KANSL1: variants seen among roughly 807,000 people sequenced by gnomAD.
The protein encoded by KANSL1 is KAT8 regulatory NSL complex subunit 1.
In KANSL1, 22 loss-of-function variants were observed where a neutral mutation model predicts 103.6. The ratio of observed to expected loss-of-function variants is 0.21; its 90% confidence interval spans 0.15 to 0.30. The LOEUF is 0.30. Among genes scored for constraint, KANSL1 ranks in the 10% least tolerant of loss-of-function variants. KANSL1 has a pLI of 1.00. For missense variants in KANSL1, 1,337 were observed against 1,399.8 expected, an observed-to-expected ratio of 0.96 and a Z score of 0.72; for synonymous variants, 600 against 527.6, an observed-to-expected ratio of 1.14 and a Z score of -1.88.
At chr17:46,089,565 CAAAAAAA>C in intron 3 of KANSL1, among the ~76,000 whole-genome samples, 1 of 126,738 alleles carries the variant, frequency 7.9e-6, no homozygotes, top group African/African-American at 3.1e-5. Context: ...AGGTTCATCT[CAAAAAAA>C]AAAAAAAGAC....
intron 2 of KANSL1, 103 bp downstream of exon 2, chr17:46,170,752 C>A: frequency 3.9e-6 from 5 of 1,275,616 alleles, no homozygotes; most frequent in Non-Finnish European, 5.4e-6. Flanking sequence ...AGAACCTAGA[C>A]ACCTATGTAC....
chr17:46,127,769 C>T (rs995836069), intron 2 of KANSL1, among the ~76,000 whole-genome samples: 1 of 144,634 alleles, frequency 6.9e-6, no homozygotes, highest in Non-Finnish European at 1.6e-5. Context: ...CAGAGCCAGA[C>T]CCTGTCTCAA....
chr17:46,092,469 C>T (rs2079434499), intron 3 of KANSL1, among the ~76,000 whole-genome samples: 1 of 152,050 alleles, frequency 6.6e-6, no homozygotes, highest in African/African-American at 2.4e-5. Flanking sequence ...AGCATTCATA[C>T]CTTTGACTGA....
intron 4 of KANSL1, among the ~76,000 whole-genome samples, chr17:46,075,869 C>T (rs2078747426): frequency 6.6e-6 from 1 of 152,086 alleles, no homozygotes; most frequent in South Asian, 2.1e-4. Context: ...ACATTACTCC[C>T]TACACCATGC....
intron 2 of KANSL1, among the ~76,000 whole-genome samples, chr17:46,119,456 G>A (rs113909426): frequency 0.14 from 21,656 of 151,562 alleles, 2,108 homozygotes; most frequent in Non-Finnish European, 0.22. Flanking sequence ...ACAGGTGCAC[G>A]CCACCACGTC....
intron 2 of KANSL1, among the ~76,000 whole-genome samples, chr17:46,143,174 G>C (rs1191364308): frequency 6.6e-6 from 1 of 152,218 alleles, no homozygotes; most frequent in East Asian, 1.9e-4. Flanking sequence ...GTGAAATAAA[G>C]GGAAAAGCAG....
intron 13 of KANSL1, 122 bp from the exon 14 acceptor site, chr17:46,032,421 A>T: frequency 1.3e-6 from 1 of 783,478 alleles, no homozygotes; most frequent in Middle Eastern, 2.9e-4. Context: ...GATTTTCCTT[A>T]GGATCCAGCA....
intron 2 of KANSL1, among the ~76,000 whole-genome samples, chr17:46,150,833 T>G (rs571534996): frequency 2.0e-5 from 3 of 151,460 alleles, no homozygotes; most frequent in African/African-American, 7.3e-5. Flanking sequence ...CTGGGAAAAC[T>G]AGGAATAACG....
chr17:46,037,718 G>GTAA (rs1295050095), intron 10 of KANSL1: 1 of 152,220 alleles, frequency 6.6e-6, no homozygotes, highest in Non-Finnish European at 1.5e-5. Context: ...TATGTAGTAA[G>GTAA]TGTTCAATAA....
intron 4 of KANSL1, among the ~76,000 whole-genome samples, chr17:46,073,554 T>C (rs12150551): frequency 0.14 from 21,796 of 151,964 alleles, 2,133 homozygotes; most frequent in Non-Finnish European, 0.22. Flanking sequence ...CTACAGGACG[T>C]TGAGTGAGAA....
At chr17:46,219,888 G>A (rs1378624726) in intron 1 of KANSL1, among the ~76,000 whole-genome samples, 5 of 152,138 alleles carry the variant, frequency 3.3e-5, no homozygotes, top group African/African-American at 4.8e-5. Flanking sequence ...CGGATCATGA[G>A]GTCAGGAGAT....
intron 6 of KANSL1, among the ~76,000 whole-genome samples, chr17:46,065,124 G>A (rs944415725): frequency 4.5e-5 from 6 of 134,272 alleles, no homozygotes; most frequent in Non-Finnish European, 8.5e-5. Flanking sequence ...ACACACGCTC[G>A]CCCACAGCAG....
At chr17:46,127,471 G>A (rs1003779706) in intron 2 of KANSL1, among the ~76,000 whole-genome samples, 1 of 152,180 alleles carries the variant, frequency 6.6e-6, no homozygotes, top group Non-Finnish European at 1.5e-5. Context: ...AACAAAAAAA[G>A]AAACAGTTTT....
intron 6 of KANSL1, among the ~76,000 whole-genome samples, chr17:46,063,619 G>T (rs187014227): frequency 1.4e-4 from 21 of 152,328 alleles, no homozygotes; most frequent in Admixed American, 3.3e-4. Flanking sequence ...GTGTCAGGAT[G>T]ATTCTGTTTT....
At chr17:46,224,404 G>A (rs568447059), upstream of KANSL1, among the ~76,000 whole-genome samples, 2 of 151,080 alleles carry the variant, frequency 1.3e-5, no homozygotes, top group Non-Finnish European at 2.9e-5. Flanking sequence ...TAGGATCCTC[G>A]TTCAAGTCCT....
At chr17:46,105,906 G>GACACACACACACACACAC (rs773000790) in intron 2 of KANSL1, among the ~76,000 whole-genome samples, 11 of 95,266 alleles carry the variant, frequency 1.2e-4, no homozygotes, top group African/African-American at 4.5e-4. Context: ...GCAAGGCCTT[G>GACACACACACACACACAC]ACACACACAC....
chr17:46,158,363 CTT>C (rs67455357), intron 2 of KANSL1, among the ~76,000 whole-genome samples: 33 of 138,598 alleles, frequency 2.4e-4, no homozygotes, highest in Middle Eastern at 3.7e-3. Flanking sequence ...CCATTAGAGA[CTT>C]TTTTTTTTTT....
At chr17:46,101,556 CCTGA>C (rs1197854909) in intron 2 of KANSL1, among the ~76,000 whole-genome samples, 2 of 151,878 alleles carry the variant, frequency 1.3e-5, no homozygotes, top group South Asian at 2.1e-4. Context: ...CTGAGATCAG[CCTGA>C]CTAACATAGT....
chr17:46,080,941 T>G (rs1226613290), intron 4 of KANSL1, among the ~76,000 whole-genome samples: 1 of 152,210 alleles, frequency 6.6e-6, no homozygotes, highest in African/African-American at 2.4e-5. Context: ...AAAGATGGTC[T>G]TGACCTTCAA....
Sources: gnomAD v4.1 joint callset for allele counts (sites outside exome capture counted in the v4.1 genomes callset) on GRCh38, gnomAD v4.1.1 for gene constraint, MANE v1.5 for transcripts, NCBI Gene and HGNC (gene_info 2026-07-23, HGNC 2026-07-21) for gene names.